The following PSD3 variants were observed in gnomAD, a reference collection of about 807,000 sequenced individuals.
PSD3 encodes pleckstrin and Sec7 domain containing 3.
PSD3 carries 49 observed loss-of-function variants against 105.5 expected under a neutral mutation model. The ratio of observed to expected loss-of-function variants is 0.46; its 90% CI spans 0.37 to 0.59. The LOEUF (loss-of-function observed/expected upper bound fraction) is 0.59, where lower values mean the gene tolerates loss of function less well. Among genes scored for constraint, PSD3 ranks in the 20% least tolerant of loss-of-function variants. The pLI is 0.00. For missense variants in PSD3, 1,561 were observed against 1,263.8 expected (o/e 1.24, Z -3.57); for synonymous variants, 557 against 457.8 (o/e 1.22, Z -2.77).
intron 1 of PSD3, among the ~76,000 whole-genome samples, chr8:19,037,337 C>T (rs1245686841): frequency 6.6e-6 from 1 of 152,234 alleles, no homozygotes; most frequent in African/African-American, 2.4e-5. Context: ...TGACATTGGG[C>T]CACATGGCCT....
At chr8:18,827,800 T>C (rs1002470514) in intron 4 of PSD3, among the ~76,000 whole-genome samples, 11 of 146,874 alleles carry the variant, frequency 7.5e-5, no homozygotes, top group Non-Finnish European at 1.5e-4. Context: ...ATATGAGAGA[T>C]GAAGAAGAGG....
At chr8:18,830,677 G>A (rs759247914) in intron 4 of PSD3, among the ~76,000 whole-genome samples, 98 of 152,274 alleles carry the variant, frequency 6.4e-4, no homozygotes, top group Non-Finnish European at 9.9e-4. Flanking sequence ...ACATGGTCGC[G>A]AAAGGAGATA....
In PSD3 at chr8:18,625,410, G is replaced by A. The variant is rs572391828; in HGVS notation, c.2410+7203C>T. ...CCCTACTGTACTTCTCCCCCTTAATGTATGAGGAAGTTTGGTATAAGGCTA... is the reference window on the plus strand; with the variant it reads ...CCCTACTGTACTTCTCCCCCTTAATATATGAGGAAGTTTGGTATAAGGCTA... On this transcript the variant is annotated intron_variant, in intron 11 of 15. Transcript: ENST00000327040. 9.9e-5 allele frequency among the ~76,000 whole-genome samples: 15 copies of A among 152,140 alleles called. No homozygotes were observed. The East Asian group carries it at 2.5e-3, about 25-fold the overall frequency.
intron 9 of PSD3, among the ~76,000 whole-genome samples, chr8:18,683,506 T>C (rs1047544424): frequency 1.3e-5 from 2 of 152,188 alleles, no homozygotes; most frequent in East Asian, 1.9e-4. Flanking sequence ...AACAACAGTT[T>C]CCCACAGTCA....
chr8:19,066,065 G>A (rs1829066486), intron 1 of PSD3, among the ~76,000 whole-genome samples: 1 of 152,132 alleles, frequency 6.6e-6, no homozygotes, highest in African/African-American at 2.4e-5. Context: ...ACCTCCCTTG[G>A]TCAAGTCATG....
intron 9 of PSD3, among the ~76,000 whole-genome samples, chr8:18,754,007 C>A (rs1805815699): frequency 1.3e-5 from 2 of 152,266 alleles, no homozygotes; most frequent in African/African-American, 4.8e-5. Flanking sequence ...TGCTACTGCC[C>A]CTCTATCTGA....
chr8:18,762,965 T>G (rs1221328404), intron 9 of PSD3: 1 of 1,273,904 alleles, frequency 7.8e-7, no homozygotes, highest in Admixed American at 2.3e-5. Context: ...TTCTCAGTAG[T>G]CTGTGATCTC....
intron 1 of PSD3, among the ~76,000 whole-genome samples, chr8:19,027,536 A>G (rs1827599678): frequency 6.6e-6 from 1 of 152,180 alleles, no homozygotes; most frequent in East Asian, 1.9e-4. Context: ...TTCCACTACA[A>G]TGAGGATATT....
intron 2 of PSD3, among the ~76,000 whole-genome samples, chr8:18,922,257 CAA>C (rs1821070761): frequency 1.3e-5 from 2 of 152,092 alleles, no homozygotes; most frequent in Admixed American, 1.3e-4. Flanking sequence ...TAACGGAACC[CAA>C]AGAGTTCTGT....
At chr8:18,549,215 C>A (rs1422858304) in intron 15 of PSD3, among the ~76,000 whole-genome samples, 1 of 129,748 alleles carries the variant, frequency 7.7e-6, no homozygotes, top group Non-Finnish European at 1.6e-5. Context: ...GAGTTTCACT[C>A]TTATTGCCCA....
At chr8:19,024,129 T>A (rs890316777) in intron 1 of PSD3, among the ~76,000 whole-genome samples, 1 of 152,226 alleles carries the variant, frequency 6.6e-6, no homozygotes, top group African/African-American at 2.4e-5. Flanking sequence ...ATAAATCACT[T>A]TTTCCAAATT....
At chr8:18,941,665 C>CT (rs869259596) in intron 1 of PSD3, among the ~76,000 whole-genome samples, 26,915 of 107,754 alleles carry the variant, frequency 0.25, 4,942 homozygotes, top group African/African-American at 0.43. Context: ...TGTAGAATGA[C>CT]TTTTTTTTTT....
In PSD3 at chr8:18,535,748, T is replaced by C; in HGVS notation, c.3139A>G (p.Thr1047Ala). 6.2e-7 allele frequency: 1 copy of C among 1,609,936 alleles called. No individual in the cohort carries two copies. Among genetic ancestry groups the C allele is most frequent in the Non-Finnish European group, 8.5e-7 (1 of 1,176,168 alleles). ...PETPSIKQKV[T>A] ...TTCCTGGCCGCAGATGGACTCTAAG[T>C]AACTTTTTGCTTAATGCTTGGTGTT... is the stretch of plus-strand genomic sequence containing the variant. Residue 1047 changes from threonine (T) to alanine (A), a missense_variant, in exon 16 of 16, where the codon ACT becomes GCT. Physicochemically the swap from Thr to Ala is moderately conservative, Grantham distance 58. Coordinates refer to ENST00000327040, the MANE Select transcript of PSD3 (RefSeq NM_015310.4).
At chr8:18,898,708 T>C (rs1006483584) in intron 2 of PSD3, among the ~76,000 whole-genome samples, 26 of 152,312 alleles carry the variant, frequency 1.7e-4, no homozygotes, top group South Asian at 1.0e-3. Context: ...AAGAAAATGT[T>C]ACTAAGAAAA....
At chr8:18,903,568 T>C (rs1471059124) in intron 2 of PSD3, among the ~76,000 whole-genome samples, 2 of 152,146 alleles carry the variant, frequency 1.3e-5, no homozygotes, top group Admixed American at 6.5e-5. Context: ...TATAGGCCAG[T>C]GTGTCTCAGC....
chr8:18,875,998 T>C (rs1436866823), intron 2 of PSD3, among the ~76,000 whole-genome samples: 1 of 152,222 alleles, frequency 6.6e-6, no homozygotes. Flanking sequence ...ATACAATATA[T>C]GGCATTTGGG....
At position 18,769,345 on chromosome 8, in the gene PSD3, T is replaced by C. The variant is rs114865295; in HGVS notation, c.2083-3807A>G. On this transcript the variant is annotated intron_variant, in intron 8 of 15. Coordinates refer to ENST00000327040, the MANE Select transcript of PSD3 (RefSeq NM_015310.4). Reference sequence around the variant, plus strand: ...TGCTTGTAACATTATCTGCTTTAAATAAATTGTTATTAATAAACTTCTTTG... The same window carrying C: ...TGCTTGTAACATTATCTGCTTTAAACAAATTGTTATTAATAAACTTCTTTG... Among the ~76,000 whole-genome samples the C allele has an allele frequency of 2.7e-3, 413 of 152,308 alleles. 3 individuals are homozygous for C. The highest frequency in any genetic ancestry group is 9.5e-3 in the African/African-American group (394 of 41,580).
intron 1 of PSD3, among the ~76,000 whole-genome samples, chr8:18,976,830 T>C (rs1011336282): frequency 3.9e-5 from 6 of 152,172 alleles, no homozygotes; most frequent in African/African-American, 1.4e-4. Flanking sequence ...TAATTGCAAA[T>C]ATCTGAAAAC....
intron 13 of PSD3, among the ~76,000 whole-genome samples, chr8:18,573,256 G>T (rs565521131): frequency 1.3e-5 from 2 of 152,290 alleles, no homozygotes; most frequent in South Asian, 4.1e-4. Context: ...GATCACGTGA[G>T]GTCAGGAGTT....
Sources: allele counts gnomAD v4.1 joint callset (sites outside exome capture counted in the v4.1 genomes callset), GRCh38; gene constraint gnomAD v4.1.1; transcripts MANE v1.5; gene names NCBI Gene and HGNC (gene_info 2026-07-23, HGNC 2026-07-21).